The following P3H2 variants were observed in gnomAD, a reference collection of about 807,000 sequenced individuals.
P3H2 encodes the protein leprecan-like 1.
A neutral mutation model predicts 87.0 loss-of-function variants in P3H2; 80 were observed. The observed-to-expected ratio is 0.92, with a 90% CI of 0.77 to 1.11. The LOEUF is 1.11. Among genes scored for constraint, P3H2 ranks in the 50% least tolerant of loss-of-function variants. The pLI, the probability that P3H2 is intolerant of heterozygous loss-of-function variation, is 0.00. For synonymous variants in P3H2, 367 were observed against 359.3 expected, an observed-to-expected ratio of 1.02 and a Z score of -0.24; for missense variants, 1,001 against 923.9, an observed-to-expected ratio of 1.08 and a Z score of -1.08.
At chr3:190,026,068 G>T (rs766368202) in intron 1 of P3H2, among the ~76,000 whole-genome samples, 6 of 151,892 alleles carry the variant, frequency 4.0e-5, no homozygotes, top group Non-Finnish European at 8.8e-5. Flanking sequence ...CATCTGGGGA[G>T]GTTCTGTTAG....
chr3:190,061,376 T>C (rs569066078), intron 1 of P3H2, among the ~76,000 whole-genome samples: 104 of 152,156 alleles, frequency 6.8e-4, no homozygotes, highest in Non-Finnish European at 1.2e-3. Flanking sequence ...TGGATTTTAT[T>C]TAGTGCAATA....
rs531934673 is a variant in P3H2 at position 189,986,672 on chromosome 3, G to C, written c.1188+116C>G. On this transcript the variant is annotated intron_variant, in intron 6 of 14. Coordinates refer to ENST00000319332, the MANE Select transcript of P3H2 (RefSeq NM_018192.4). ...CCACCCCCAATTTTTACCTCAAGGA[G>C]GGCATCGAAATCTTAGCTTTTTGAG... 320 of 757,252 alleles carry C rather than the reference G, an allele frequency of 4.2e-4. No individual in the cohort carries two copies. In the African/African-American group the frequency reaches 5.3e-3, roughly 13 times the overall value. The allele number at this position is 757,252 out of a possible 1,614,324, so 46.9% of individuals were successfully genotyped here.
At chr3:189,959,224 T>C (rs1722732156) in intron 14 of P3H2, among the ~76,000 whole-genome samples, 1 of 1,766 alleles carries the variant, frequency 5.7e-4, no homozygotes, top group Non-Finnish European at 1.2e-3. Context: ...TTTACACCTG[T>C]CTCTTCTTTT....
intron 1 of P3H2, among the ~76,000 whole-genome samples, chr3:190,108,774 G>A (rs1189106606): frequency 2.0e-5 from 3 of 151,992 alleles, no homozygotes; most frequent in Non-Finnish European, 4.4e-5. Context: ...TTTTTAAATT[G>A]CTGATAGAGA....
Position 190,120,830 on chromosome 3 carries a change from C to G in P3H2, c.-99G>C. The G allele has an allele frequency of 6.9e-7, 1 of 1,448,808 alleles. No homozygotes were observed. The highest frequency in any genetic ancestry group is 9.1e-7 in the Non-Finnish European group (1 of 1,102,150). The allele number at this position is 1,448,808 out of a possible 1,614,324, so 89.7% of individuals were successfully genotyped here. Reference sequence around the variant, plus strand: ...CCCACCTTCCCTCGGGGAAGCGCGCCGACTCCGCCGCGATCTGGCCGCTCC... The same window carrying G: ...CCCACCTTCCCTCGGGGAAGCGCGCGGACTCCGCCGCGATCTGGCCGCTCC... On this transcript the variant is annotated 5_prime_UTR_variant, in exon 1 of 15. Transcript: ENST00000319332.
chr3:189,986,161 A>C (rs1194834035), intron 6 of P3H2, among the ~76,000 whole-genome samples: 1 of 152,240 alleles, frequency 6.6e-6, no homozygotes, highest in Non-Finnish European at 1.5e-5. Context: ...CCACATCCGG[A>C]ATTTAGGAAA....
At chr3:189,968,119 T>A (rs993483482) in intron 13 of P3H2, among the ~76,000 whole-genome samples, 1 of 152,184 alleles carries the variant, frequency 6.6e-6, no homozygotes, top group African/African-American at 2.4e-5. Context: ...GAAATTTTTT[T>A]ATTATTATTA....
At chr3:190,102,655 AAC>A (rs146168955) in intron 1 of P3H2, among the ~76,000 whole-genome samples, 10,460 of 152,280 alleles carry the variant, frequency 0.069, 466 homozygotes, top group African/African-American at 0.12. Flanking sequence ...AGATGCAGTG[AAC>A]ACTGTTGAAA....
At chr3:190,040,309 T>C (rs2594173) in intron 1 of P3H2, among the ~76,000 whole-genome samples, 85,226 of 152,148 alleles carry the variant, frequency 0.56, 26,590 homozygotes, top group Admixed American at 0.7. Context: ...CTATAAACCA[T>C]TGTGGTACTC....
intron 1 of P3H2, among the ~76,000 whole-genome samples, chr3:190,013,008 C>T (rs1724641558): frequency 6.6e-6 from 1 of 152,182 alleles, no homozygotes. Flanking sequence ...ACACCTTGGG[C>T]TCTCAATAAG....
At chr3:189,988,204 T>C (rs899410972) in intron 4 of P3H2, among the ~76,000 whole-genome samples, 4 of 152,190 alleles carry the variant, frequency 2.6e-5, no homozygotes, top group Admixed American at 6.5e-5. Context: ...TATACAATTA[T>C]AGCACATCCT....
intron 1 of P3H2, among the ~76,000 whole-genome samples, chr3:190,031,834 G>T (rs961901952): frequency 6.6e-6 from 1 of 151,828 alleles, no homozygotes; most frequent in Non-Finnish European, 1.5e-5. Context: ...AGAAATAATT[G>T]ATCAGAACTC....
At position 189,973,510 on chromosome 3, in the gene P3H2, TC is replaced by T. The variant is rs1425931897; in HGVS notation, c.1548+398del. Among the ~76,000 whole-genome samples the T allele has an allele frequency of 2.7e-3, 75 of 27,994 alleles. 1 individual carries two copies. The highest frequency in any genetic ancestry group is 5.4e-3 in the African/African-American group (61 of 11,352). 18.4% of individuals were successfully genotyped at this position (27,994 alleles called of 152,430 possible). The stretch of plus-strand genomic sequence containing the variant: ...AAACTTTTTTCTTTCTTTCTTTCTT[TC>T]TTTTTTTTTTTTTTTTTTTTTTTTT... On this transcript the variant is annotated intron_variant, in intron 10 of 14. Coordinates refer to ENST00000319332, the MANE Select transcript of P3H2 (RefSeq NM_018192.4).
intron 1 of P3H2, among the ~76,000 whole-genome samples, chr3:190,035,380 T>G (rs546652770): frequency 3.3e-5 from 5 of 152,188 alleles, no homozygotes; most frequent in Admixed American, 3.3e-4. Flanking sequence ...CTCAGTATAT[T>G]TGACAATTGA....
At chr3:190,075,104 G>C (rs1292012088) in intron 1 of P3H2, among the ~76,000 whole-genome samples, 2 of 152,186 alleles carry the variant, frequency 1.3e-5, no homozygotes, top group Non-Finnish European at 2.9e-5. Context: ...AGGCAAAACT[G>C]ACAGAGATCC....
intron 1 of P3H2, among the ~76,000 whole-genome samples, chr3:190,118,547 A>C (rs1333898447): frequency 6.6e-6 from 1 of 151,698 alleles, no homozygotes; most frequent in Admixed American, 6.6e-5. Context: ...AGGAGGCACA[A>C]GCAAGCAGAA....
At chr3:190,075,620 C>T (rs1726846808) in intron 1 of P3H2, among the ~76,000 whole-genome samples, 1 of 152,060 alleles carries the variant, frequency 6.6e-6, no homozygotes, top group Non-Finnish European at 1.5e-5. Context: ...GGGAAAGCTT[C>T]CCAAAATATA....
At position 190,065,185 on chromosome 3, in the gene P3H2, G is replaced by C. The variant is rs535123478; in HGVS notation, c.480+55067C>G. 5.3e-5 allele frequency among the ~76,000 whole-genome samples: 8 copies of C among 152,108 alleles called. No individual in the cohort carries two copies. The South Asian group carries it at 1.0e-3, about 20-fold the overall frequency. ...CTAAACTTGTTTCCCTGTCATCCTG[G>C]GCAAAAAGTGAGACAATATTGTTCA... On this transcript the variant is annotated intron_variant, in intron 1 of 14. Transcript: ENST00000319332.
At chr3:189,982,982 G>C in intron 8 of P3H2, 64 bp downstream of exon 8, 1 of 1,228,114 alleles carries the variant, frequency 8.1e-7, no homozygotes, top group Non-Finnish European at 1.2e-6. Context: ...ATCTGGAAAA[G>C]AACTGGTCAA....
Sources: gnomAD v4.1 joint callset for allele counts (sites outside exome capture counted in the v4.1 genomes callset) on GRCh38, gnomAD v4.1.1 for gene constraint, MANE v1.5 for transcripts, NCBI Gene and HGNC (gene_info 2026-07-23, HGNC 2026-07-21) for gene names.